The following EXPH5 variants were observed in gnomAD, a reference collection of about 807,000 sequenced individuals.
The protein encoded by EXPH5 is exophilin-5.
Under a neutral mutation model 41.1 loss-of-function variants are expected in EXPH5, and 42 were observed. That is an observed-to-expected ratio of 1.02 (90% CI 0.80 to 1.32). EXPH5 has a LOEUF of 1.32. EXPH5 is among the 40% of genes most tolerant of loss of function. The pLI is 0.00. For synonymous variants in EXPH5, 798 were observed against 833.5 expected (o/e 0.96, Z 0.73); for missense variants, 2,298 against 2,314.5 (o/e 0.99, Z 0.15).
intron 3 of EXPH5, among the ~76,000 whole-genome samples, chr11:108,529,464 C>T (rs532987138): frequency 6.6e-6 from 1 of 152,296 alleles, no homozygotes; most frequent in East Asian, 1.9e-4. Flanking sequence ...TCTCAAAGTG[C>T]TGTGATTACA....
chr11:108,581,216 A>G (rs751237746), intron 1 of EXPH5, among the ~76,000 whole-genome samples: 2 of 152,164 alleles, frequency 1.3e-5, no homozygotes, highest in South Asian at 2.1e-4. Context: ...AGGTGGAAGG[A>G]CTACTTGAGG....
Position 108,509,573 on chromosome 11 carries a change from G to A in EXPH5, c.5934C>T (p.Tyr1978=), listed in dbSNP as rs1211849259. The change falls in exon 6 of 6, where the codon TAC becomes TAT. Residue 1978 remains tyrosine, a synonymous_variant. Coordinates refer to ENST00000265843, the MANE Select transcript of EXPH5 (RefSeq NM_015065.3). ...CDTDTTTDDE[Y]YLDENDKESE... ...ACTCTTTGTCATTTTCATCCAGGTA[G>A]TATTCATCATCTGTGGTTGTGTCTG... 2.5e-6 allele frequency: 4 copies of A among 1,581,560 alleles called. No homozygotes were observed.
At chr11:108,579,927 C>T (rs1337332655) in intron 1 of EXPH5, among the ~76,000 whole-genome samples, 1 of 152,114 alleles carries the variant, frequency 6.6e-6, no homozygotes, top group Non-Finnish European at 1.5e-5. Context: ...GGAAGGGAAT[C>T]TTCCCTTCGA....
At chr11:108,518,001 C>T (rs969481195) in intron 5 of EXPH5, among the ~76,000 whole-genome samples, 6 of 152,090 alleles carry the variant, frequency 3.9e-5, no homozygotes, top group Non-Finnish European at 8.8e-5. Context: ...ATTACTACTC[C>T]ATATATTTAT....
At chr11:108,580,215 G>A (rs1177620307) in intron 1 of EXPH5, among the ~76,000 whole-genome samples, 2 of 151,958 alleles carry the variant, frequency 1.3e-5, no homozygotes, top group Admixed American at 6.5e-5. Flanking sequence ...CAAAAAAGCT[G>A]ACAATCCAAT....
intron 1 of EXPH5, among the ~76,000 whole-genome samples, chr11:108,575,817 T>G (rs1245347101): frequency 6.6e-6 from 1 of 151,910 alleles, no homozygotes; most frequent in African/African-American, 2.4e-5. Context: ...CTACTAAAAA[T>G]ACAAAAATTA....
rs115181682 is a variant in EXPH5, at chr11:108,512,054, C to T, written c.3453G>A (p.Glu1151=). The T allele has an allele frequency of 1.3e-4, 212 of 1,605,770 alleles. 2 individuals carry two copies. The East Asian group carries it at 4.5e-3, about 34-fold the overall frequency. ...KPLTSGMDAS[E]LTPRAWERII... ...TTCTCTCCCAAGCCCTTGGTGTTAG[C>T]TCAGAAGCATCCATGCCTGAGGTCA... The change falls in exon 6 of 6, where the codon GAG becomes GAA. Residue 1151 remains glutamate, a synonymous_variant. Coordinates refer to ENST00000265843, the MANE Select transcript of EXPH5 (RefSeq NM_015065.3).
chr11:108,527,390 A>G (rs1201524890), intron 4 of EXPH5, among the ~76,000 whole-genome samples: 1 of 152,000 alleles, frequency 6.6e-6, no homozygotes, highest in Admixed American at 6.6e-5. Flanking sequence ...TTGCAAAGAG[A>G]GAGGGAGGGA....
At chr11:108,540,149 C>T (rs573972695) in intron 2 of EXPH5, among the ~76,000 whole-genome samples, 14 of 152,046 alleles carry the variant, frequency 9.2e-5, no homozygotes, top group East Asian at 5.8e-4. Flanking sequence ...GGAGAAACCC[C>T]GTCTCTACTA....
chr11:108,546,567 C>T (rs111745298), intron 1 of EXPH5, among the ~76,000 whole-genome samples: 4 of 152,266 alleles, frequency 2.6e-5, no homozygotes, highest in African/African-American at 9.6e-5. Context: ...TTACAGATAT[C>T]ATGCATACAT....
At chr11:108,554,224 C>A (rs1357760729) in intron 1 of EXPH5, among the ~76,000 whole-genome samples, 1 of 152,050 alleles carries the variant, frequency 6.6e-6, no homozygotes, top group Non-Finnish European at 1.5e-5. Flanking sequence ...CCACCACGCC[C>A]AGCTAATTTT....
Position 108,592,301 on chromosome 11 carries a change from T to C in EXPH5, c.119+1117A>G, listed in dbSNP as rs147318996. ...AAGGGTGAAGTCAGGGCATTGGGCT[T>C]AGTGTATTCTAATTCTTTCTACAAA... On this transcript the variant is annotated intron_variant, in intron 1 of 5. Transcript: ENST00000265843. Among the ~76,000 whole-genome samples, 8 of 152,266 alleles carry C rather than the reference T, an allele frequency of 5.3e-5. No homozygotes were observed. The East Asian group carries it at 1.5e-3, about 29-fold the overall frequency.
intron 1 of EXPH5, among the ~76,000 whole-genome samples, chr11:108,588,838 T>C (rs2094120728): frequency 6.6e-6 from 1 of 152,184 alleles, no homozygotes; most frequent in South Asian, 2.1e-4. Flanking sequence ...GATATTATTA[T>C]AGTAGTTCTG....
intron 1 of EXPH5, 54 bp downstream of exon 1, chr11:108,593,364 C>G: frequency 6.6e-7 from 1 of 1,522,028 alleles, no homozygotes; most frequent in Non-Finnish European, 9.1e-7. Flanking sequence ...CCCGCGGATC[C>G]CCGGCCCCTG....
Position 108,509,056 on chromosome 11 carries a change from G to A in EXPH5, c.*481C>T, listed in dbSNP as rs1345245799. ...TAAATGTTCATGAGTCAAACAGGAT[G>A]ATAATATTTACCCCACTGTTATCAT... On this transcript the variant is annotated 3_prime_UTR_variant, in exon 6 of 6. Coordinates refer to ENST00000265843, the MANE Select transcript of EXPH5 (RefSeq NM_015065.3). 1.3e-5 allele frequency: 2 copies of A among 152,536 alleles called. No individual in the cohort carries two copies. The highest frequency in any genetic ancestry group is 2.9e-5 in the Non-Finnish European group (2 of 68,342). The allele number at this position is 152,536 out of a possible 1,614,324, so 9.4% of individuals were successfully genotyped here. A position where few individuals can be genotyped will look rare whatever the true frequency, so the allele number is the denominator to read the frequency against.
rs573939452 is a variant in EXPH5, at chr11:108,572,619, C to T, written c.119+20799G>A. ...TGTTGCCCAAGCTGCAGTGCAATGG[C>T]GTGATCTCAGCTCACTGCAACCTTT... On this transcript the variant is annotated intron_variant, in intron 1 of 5. Transcript: ENST00000265843. Among the ~76,000 whole-genome samples the T allele has an allele frequency of 7.2e-5, 11 of 152,310 alleles. No homozygotes were observed. The South Asian group carries it at 8.3e-4, about 11-fold the overall frequency.
At chr11:108,570,180 C>G (rs573570231) in intron 1 of EXPH5, among the ~76,000 whole-genome samples, 17 of 152,136 alleles carry the variant, frequency 1.1e-4, no homozygotes, top group African/African-American at 4.1e-4. Context: ...GTCTGCAGCA[C>G]CTCAGAGATG....
rs149115743 is a variant in EXPH5 at position 108,524,707 on chromosome 11, T to G, written c.492+3429A>C. Among the ~76,000 whole-genome samples, 327 of 152,330 alleles carry G rather than the reference T, an allele frequency of 2.1e-3. 1 individual carries two copies. Among genetic ancestry groups the G allele is most frequent in the African/African-American group, 7.5e-3 (312 of 41,570 alleles). On this transcript the variant is annotated intron_variant, in intron 4 of 5. Transcript: ENST00000265843. ...CAGCTGTCAGAGCTGAAGCCTAAAC[T>G]CACTGATGTTATCAAATGCCTTGGT...
At chr11:108,596,028 C>T (rs1207989067), upstream of EXPH5, among the ~76,000 whole-genome samples, 2 of 152,004 alleles carry the variant, frequency 1.3e-5, no homozygotes, top group African/African-American at 2.4e-5. Context: ...AGTGAAACCC[C>T]GCCTCTACTA....
Sources: allele counts gnomAD v4.1 joint callset (sites outside exome capture counted in the v4.1 genomes callset), GRCh38; gene constraint gnomAD v4.1.1; transcripts MANE v1.5; gene names NCBI Gene and HGNC (gene_info 2026-07-23, HGNC 2026-07-21).